Variants in SBK1 observed in about 807,000 individuals in gnomAD.
The protein encoded by SBK1 is SH3 domain binding kinase 1.
A neutral mutation model predicts 24.4 loss-of-function variants in SBK1; 11 were observed. That is an observed-to-expected ratio of 0.45 (90% CI 0.28 to 0.75). SBK1 has a LOEUF of 0.75. Ranked by LOEUF, SBK1 falls within the 30% of genes least tolerant of loss-of-function variation. SBK1 has a pLI of 0.12. For synonymous variants in SBK1, 308 were observed against 284.4 expected (o/e 1.08, Z -0.83); for missense variants, 467 against 620.5 (o/e 0.75, Z 2.63).
intron 1 of SBK1, among the ~76,000 whole-genome samples, chr16:28,275,971 G>A (rs1008950707): frequency 1.3e-5 from 2 of 152,146 alleles, no homozygotes; most frequent in African/African-American, 4.8e-5. Flanking sequence ...AGGACGGAGT[G>A]GGGAAGAAGG....
At chr16:28,291,044 G>A (rs970898605), upstream of SBK1, 2 of 152,306 alleles carry the variant, frequency 1.3e-5, no homozygotes, top group African/African-American at 4.8e-5. Flanking sequence ...AGTCGCTCAT[G>A]TCTGCGCCTG....
chr16:28,263,747 G>A (rs1223361432), intron 1 of SBK1, among the ~76,000 whole-genome samples: 1 of 152,172 alleles, frequency 6.6e-6, no homozygotes, highest in East Asian at 1.9e-4. Flanking sequence ...AGTGGTGATG[G>A]GCCAGAATGA....
rs1227805780 is a variant in SBK1, at chr16:28,320,208, C to T, written c.562C>T (p.Arg188Cys). The T allele has an allele frequency of 6.3e-7, 1 of 1,594,264 alleles. No individual in the cohort carries two copies. Residue 188 changes from arginine (R) to cysteine (C), a missense_variant, in exon 4 of 4, where the codon CGC becomes TGC. By Grantham distance (180) the Arg-to-Cys change is radical. Around this residue, in one of 4 missense-constraint regions of SBK1, gnomAD observed 92 missense variants for 193.8 expected, o/e 0.47. Transcript: ENST00000341901. The surrounding 1 kb of genome is among the most constrained non-coding windows in gnomAD (Gnocchi z 8.5). The stretch of plus-strand genomic sequence containing the variant: ...CGTGCTGCTGTTCGACCGCGAGTGC[C>T]GCCGCGTAAAGCTGGCCGACTTCGG... ...ENVLLFDREC[R>C]RVKLADFGMT...
Position 28,292,889 on chromosome 16 carries a change from G to T in SBK1, c.-419G>T, listed in dbSNP as rs1054951636. 3.6e-5 allele frequency: 35 copies of T among 980,260 alleles called. No homozygotes were observed. The highest frequency in any genetic ancestry group is 1.0e-3 in the Middle Eastern group (2 of 1,906). The allele number at this position is 980,260 out of a possible 1,614,324, so 60.7% of individuals were successfully genotyped here. A position where few individuals can be genotyped will look rare whatever the true frequency, so the allele number is the denominator to read the frequency against. ...AAGACAGCAAGCCCCCTACGGCACC[G>T]CAAGGACTCCCCCTCCTCAGTCTGG... On this transcript the variant is annotated 5_prime_UTR_variant, in exon 1 of 4. Transcript: ENST00000341901.
At chr16:28,278,834 C>T (rs997989891) in intron 1 of SBK1, among the ~76,000 whole-genome samples, 20 of 152,246 alleles carry the variant, frequency 1.3e-4, no homozygotes, top group Admixed American at 5.9e-4. Context: ...TGGGTGAGGG[C>T]AGGATCGGTG....
At position 28,319,230 on chromosome 16, in the gene SBK1, G is replaced by T. The variant is rs2044820674; in HGVS notation, c.429+33G>T. ...GGATGGTGGCATAGGGTGGGGAAAGGGTCTTCAGGGTCCCAGAGTGTGAGA... is the reference window on the plus strand; with the variant it reads ...GGATGGTGGCATAGGGTGGGGAAAGTGTCTTCAGGGTCCCAGAGTGTGAGA... On this transcript the variant is annotated intron_variant, in intron 3 of 3. Transcript: ENST00000341901. The surrounding 1 kb of genome is among the most constrained non-coding windows in gnomAD (Gnocchi z 4.0). 6.5e-7 allele frequency: 1 copy of T among 1,540,596 alleles called. No homozygotes were observed. Among genetic ancestry groups the T allele is most frequent in the Non-Finnish European group, 9.0e-7 (1 of 1,113,614 alleles).
At chr16:28,261,839 C>T (rs1331097937) in intron 1 of SBK1, among the ~76,000 whole-genome samples, 3 of 152,148 alleles carry the variant, frequency 2.0e-5, no homozygotes, top group Admixed American at 6.5e-5. Context: ...GGTTGGCAGC[C>T]GTGAAATCTG....
At chr16:28,271,390 C>T (rs1289038030) in intron 1 of SBK1, among the ~76,000 whole-genome samples, 1 of 152,080 alleles carries the variant, frequency 6.6e-6, no homozygotes, top group African/African-American at 2.4e-5. Context: ...AACCCCATTT[C>T]TACTAAAAAT....
In SBK1 at chr16:28,322,917, GCGCTCTCTCTCTCCCTCTCTCTCT is replaced by G. The variant is rs55847004; in HGVS notation, c.*1998_*2021del. ...GCCGTGCTCGCTCTCTCTCTCGCGC[GCGCTCTCTCTCTCCCTCTCTCTCT>G]CTCTCTCTCTCTCTCTCTCTCTCTC... On this transcript the variant is annotated 3_prime_UTR_variant, in exon 4 of 4. Transcript: ENST00000341901. The G allele has an allele frequency of 0.047, 5,556 of 117,192 alleles. 319 individuals are homozygous for G. The highest frequency in any genetic ancestry group is 0.085 in the South Asian group (274 of 3,206). The allele number at this position is 117,192 out of a possible 1,614,324, so 7.3% of individuals were successfully genotyped here.
chr16:28,285,619 A>G (rs1196793414), intron 1 of SBK1: 1 of 152,186 alleles, frequency 6.6e-6, no homozygotes. Context: ...CACCAGTCCT[A>G]TTTCCTTGGT....
Position 28,317,671 on chromosome 16 carries a change from AGGTCAG to A in SBK1, c.226+58_226+63del. On this transcript the variant is annotated intron_variant, in intron 2 of 3. Transcript: ENST00000341901. This position sits in a 1 kb window ranked among gnomAD's most constrained non-coding sequence, Gnocchi z 4.2. ...GAGGTTGGGGTGGGGCAGGGCTGGG[AGGTCAG>A]GGTTGGGGGACATGACCTTGCAGCT... 8.3e-7 allele frequency: 1 copy of A among 1,202,580 alleles called. No individual in the cohort carries two copies. Among genetic ancestry groups the A allele is most frequent in the Non-Finnish European group, 1.2e-6 (1 of 811,526 alleles). The allele number at this position is 1,202,580 out of a possible 1,614,324, so 74.5% of individuals were successfully genotyped here.
In SBK1 at chr16:28,317,398, G is replaced by A. The variant is rs368126995; in HGVS notation, c.7G>A (p.Val3Met). ...CCTACCCAACAGGGAGAAGATGAGCGTGGGCTGCCCAGAGCCTGAGCCGCC... is the reference window on the plus strand; with the variant it reads ...CCTACCCAACAGGGAGAAGATGAGCATGGGCTGCCCAGAGCCTGAGCCGCC... MS[V>M]GCPEPEPPRS... The change falls in exon 2 of 4, where the codon GTG becomes ATG. Residue 3 changes from valine (V) to methionine (M), a missense_variant. Physicochemically the swap from Val to Met is conservative, Grantham distance 21. Transcript: ENST00000341901. The surrounding 1 kb of genome is among the most constrained non-coding windows in gnomAD (Gnocchi z 4.2). 81 of 1,613,554 alleles carry A rather than the reference G, an allele frequency of 5.0e-5. No individual in the cohort carries two copies. The East Asian group carries it at 1.3e-3, about 27-fold the overall frequency.
intron 1 of SBK1, among the ~76,000 whole-genome samples, chr16:28,277,298 CTCCCCGG>C (rs2044499554): frequency 6.6e-6 from 1 of 151,708 alleles, no homozygotes; most frequent in African/African-American, 2.4e-5. Flanking sequence ...CTTTTGAAAG[CTCCCCGG>C]AGTTTGAGAA....
chr16:28,303,362 G>A (rs2044692545), intron 1 of SBK1, among the ~76,000 whole-genome samples: 1 of 152,024 alleles, frequency 6.6e-6, no homozygotes, highest in South Asian at 2.1e-4. Context: ...GGGAGTGAGT[G>A]GAGAGTGACC....
chr16:28,279,718 C>T (rs2044517863), intron 1 of SBK1, among the ~76,000 whole-genome samples: 1 of 152,072 alleles, frequency 6.6e-6, no homozygotes, highest in Non-Finnish European at 1.5e-5. Flanking sequence ...GCCTGGAGAC[C>T]ACATTCCCCT....
intron 1 of SBK1, among the ~76,000 whole-genome samples, chr16:28,300,541 C>A (rs534203038): frequency 2.0e-4 from 31 of 151,988 alleles, no homozygotes; most frequent in Non-Finnish European, 1.5e-5. Flanking sequence ...CCAGGCTCAT[C>A]TTGAATTCCT....
chr16:28,323,573 A>G lies in SBK1; in HGVS notation c.*2652A>G, dbSNP rs1160822625. The G allele has an allele frequency of 6.6e-6, 1 of 152,476 alleles. No individual in the cohort carries two copies. The highest frequency in any genetic ancestry group is 1.5e-5 in the Non-Finnish European group (1 of 67,988). 9.4% of individuals were successfully genotyped at this position (152,476 alleles called of 1,614,324 possible). ...GTCTCCACCAGGCCCACTGAACAGA[A>G]CCCCACGGCTGCCAGAATGTTCCCT... is the stretch of plus-strand genomic sequence containing the variant. On this transcript the variant is annotated 3_prime_UTR_variant, in exon 4 of 4. Coordinates refer to ENST00000341901, the MANE Select transcript of SBK1 (RefSeq NM_001024401.3).
At chr16:28,269,647 C>G (rs187102660) in intron 1 of SBK1, among the ~76,000 whole-genome samples, 3 of 151,088 alleles carry the variant, frequency 2.0e-5, no homozygotes, top group Non-Finnish European at 4.4e-5. Flanking sequence ...GCAGCAGGAT[C>G]AGTTGAGGTC....
chr16:28,299,717 A>G (rs1301929222), intron 1 of SBK1, among the ~76,000 whole-genome samples: 1 of 152,082 alleles, frequency 6.6e-6, no homozygotes, highest in Non-Finnish European at 1.5e-5. Context: ...GGTCAGGTTG[A>G]CACTGTCACT....
Sources: allele counts gnomAD v4.1 joint callset (sites outside exome capture counted in the v4.1 genomes callset), GRCh38; gene constraint gnomAD v4.1.1; regional missense constraint gnomAD v4.1.1; non-coding constraint Gnocchi (gnomAD v3.1); transcripts MANE v1.5; gene names NCBI Gene and HGNC (gene_info 2026-07-23, HGNC 2026-07-21).